Variants in CABLES1 observed in about 807,000 individuals in gnomAD.
CABLES1 encodes the protein CDK5 and ABL1 enzyme substrate 1.
Under a neutral mutation model 57.8 loss-of-function variants are expected in CABLES1, and 36 were observed. The observed-to-expected ratio is 0.62, with a 90% CI of 0.48 to 0.82. The LOEUF is 0.82. CABLES1 is among the 40% of genes least tolerant of loss of function. The probability of loss-of-function intolerance (pLI) is 0.00; values close to 1 mark genes in which losing one functional copy is unlikely to be tolerated. For synonymous variants in CABLES1, 374 were observed against 363.0 expected, an observed-to-expected ratio of 1.03 and a Z score of -0.35; for missense variants, 767 against 836.6, an observed-to-expected ratio of 0.92 and a Z score of 1.03.
intron 7 of CABLES1, among the ~76,000 whole-genome samples, chr18:23,240,664 C>G (rs1435478402): frequency 6.6e-6 from 1 of 152,206 alleles, no homozygotes; most frequent in Non-Finnish European, 1.5e-5. Context: ...CTGCTCACCT[C>G]CCTTAGTATT....
chr18:23,226,092 A>T (rs1039680738), intron 4 of CABLES1, among the ~76,000 whole-genome samples: 9 of 152,214 alleles, frequency 5.9e-5, no homozygotes, highest in African/African-American at 9.6e-5. Flanking sequence ...AAGGTGAAAT[A>T]ATACAAACTT....
At chr18:23,250,470 A>G (rs2048011238) in intron 7 of CABLES1, among the ~76,000 whole-genome samples, 1 of 152,198 alleles carries the variant, frequency 6.6e-6, no homozygotes, top group Admixed American at 6.5e-5. Flanking sequence ...CCTATTTCCA[A>G]AATGAAATCT....
At chr18:23,191,275 CTG>C (rs1233747592) in intron 2 of CABLES1, among the ~76,000 whole-genome samples, 4 of 152,128 alleles carry the variant, frequency 2.6e-5, no homozygotes, top group Non-Finnish European at 5.9e-5. Flanking sequence ...AAAAGCATAA[CTG>C]TTCTCATATT....
chr18:23,152,760 T>C (rs2046939332), intron 1 of CABLES1, among the ~76,000 whole-genome samples: 1 of 151,886 alleles, frequency 6.6e-6, no homozygotes, highest in African/African-American at 2.4e-5. Flanking sequence ...GCTGGGATTA[T>C]AGGCTCGAGC....
chr18:23,196,489 C>T (rs112550026), intron 3 of CABLES1, among the ~76,000 whole-genome samples: 105 of 152,246 alleles, frequency 6.9e-4, no homozygotes, highest in Middle Eastern at 3.4e-3. Flanking sequence ...GAAGAAAATA[C>T]GATTTCTGAG....
At chr18:23,234,011 G>C (rs1249001480) in intron 4 of CABLES1, among the ~76,000 whole-genome samples, 2 of 152,144 alleles carry the variant, frequency 1.3e-5, no homozygotes, top group Non-Finnish European at 2.9e-5. Context: ...GAGGTCAGGA[G>C]TTTGAGACCA....
At chr18:23,208,960 T>G (rs2047384253) in intron 3 of CABLES1, among the ~76,000 whole-genome samples, 2 of 152,184 alleles carry the variant, frequency 1.3e-5, no homozygotes, top group Non-Finnish European at 2.9e-5. Context: ...TTGCCCCTTG[T>G]AAGGACACCA....
intron 1 of CABLES1, among the ~76,000 whole-genome samples, chr18:23,162,179 C>CAATG (rs1555660165): frequency 6.6e-6 from 1 of 151,520 alleles, no homozygotes; most frequent in African/African-American, 2.4e-5. Flanking sequence ...AAAAAAACAA[C>CAATG]AAAGAGAATC....
chr18:23,172,926 A>G (rs945100914), intron 1 of CABLES1, among the ~76,000 whole-genome samples: 1 of 152,230 alleles, frequency 6.6e-6, no homozygotes, highest in Non-Finnish European at 1.5e-5. Context: ...CGTTTGGATA[A>G]CTGAAGTGCT....
chr18:23,156,478 C>T (rs1215200466), intron 1 of CABLES1, among the ~76,000 whole-genome samples: 3 of 152,206 alleles, frequency 2.0e-5, no homozygotes. Context: ...GTAGCTGCCT[C>T]TACTCGGAGG....
At chr18:23,204,499 G>A (rs376883553) in intron 3 of CABLES1, 1 of 152,232 alleles carries the variant, frequency 6.6e-6, no homozygotes, top group Non-Finnish European at 1.5e-5. Flanking sequence ...AGGTAAAAGA[G>A]TTGGAAATTG....
chr18:23,208,094 A>T (rs2047377364), intron 3 of CABLES1, among the ~76,000 whole-genome samples: 1 of 152,158 alleles, frequency 6.6e-6, no homozygotes, highest in Non-Finnish European at 1.5e-5. Context: ...CTCCTAGGCC[A>T]GCCCCAGCAC....
intron 7 of CABLES1, among the ~76,000 whole-genome samples, chr18:23,250,714 C>T (rs2048017179): frequency 6.6e-6 from 1 of 152,178 alleles, no homozygotes; most frequent in Admixed American, 6.5e-5. Flanking sequence ...AGAATGGCCA[C>T]ATCTGGACCA....
At chr18:23,138,007 C>T (rs1456937773) in intron 1 of CABLES1, among the ~76,000 whole-genome samples, 1 of 152,188 alleles carries the variant, frequency 6.6e-6, no homozygotes, top group Non-Finnish European at 1.5e-5. Context: ...GCAAACTCAG[C>T]GTTTCTGGGC....
intron 7 of CABLES1, among the ~76,000 whole-genome samples, chr18:23,243,234 C>G (rs1568085752): frequency 6.6e-6 from 1 of 152,010 alleles, no homozygotes; most frequent in African/African-American, 2.4e-5. Context: ...TTATTCAGTT[C>G]TGAGGAGGGG....
At chr18:23,191,655 A>G (rs2047243724) in intron 2 of CABLES1, among the ~76,000 whole-genome samples, 1 of 152,224 alleles carries the variant, frequency 6.6e-6, no homozygotes, top group Non-Finnish European at 1.5e-5. Flanking sequence ...AATCAGTGCT[A>G]ACAAGAAAGA....
chr18:23,136,613 T>C lies in CABLES1; in HGVS notation c.845+6T>C, dbSNP rs2046824109. The C allele has an allele frequency of 2.1e-6, 3 of 1,396,596 alleles. No individual in the cohort carries two copies. In the East Asian group the frequency reaches 8.3e-5, roughly 38 times the overall value. 86.5% of individuals were successfully genotyped at this position (1,396,596 alleles called of 1,614,324 possible). ...GAGCAGCTGCAGAGGTCCCGGTGAG[T>C]ATCCGGGATGCGACGCGCACCCAAC... On this transcript the variant is annotated splice_donor_region_variant and intron_variant, in intron 1 of 9. Transcript: ENST00000256925.
At chr18:23,224,233 G>A (rs916798244) in intron 4 of CABLES1, among the ~76,000 whole-genome samples, 14 of 151,234 alleles carry the variant, frequency 9.3e-5, no homozygotes, top group African/African-American at 3.2e-4. Context: ...ATGGGCACAA[G>A]TAGCCCATTC....
chr18:23,211,074 C>G (rs568790818), intron 3 of CABLES1, among the ~76,000 whole-genome samples: 28 of 151,832 alleles, frequency 1.8e-4, no homozygotes, highest in African/African-American at 6.8e-4. Context: ...GTGCGGACCA[C>G]CCAGAGTGAG....
Sources: allele counts gnomAD v4.1 joint callset (sites outside exome capture counted in the v4.1 genomes callset), GRCh38; gene constraint gnomAD v4.1.1; transcripts MANE v1.5; gene names NCBI Gene and HGNC (gene_info 2026-07-23, HGNC 2026-07-21).